The following ABCA13 variants were observed in gnomAD, a reference collection of about 807,000 sequenced individuals.
The protein encoded by ABCA13 is ATP binding cassette subfamily A member 13.
A neutral mutation model predicts 478.7 loss-of-function variants in ABCA13; 476 were observed. The ratio of observed to expected loss-of-function variants is 0.99; its 90% confidence interval spans 0.92 to 1.07. ABCA13 has a LOEUF of 1.07. Among genes scored for constraint, ABCA13 ranks in the 50% least tolerant of loss-of-function variants. The probability of loss-of-function intolerance (pLI) is 0.00; values close to 1 mark genes in which losing one functional copy is unlikely to be tolerated. For synonymous variants in ABCA13, 2,252 were observed against 2,158.9 expected (o/e 1.04, Z -1.20); for missense variants, 6,060 against 5,910.6 (o/e 1.03, Z -0.83).
At chr7:48,227,505 C>G in intron 6 of ABCA13, 80 bp downstream of exon 6, 1 of 1,477,742 alleles carries the variant, frequency 6.8e-7, no homozygotes, top group South Asian at 1.3e-5. Context: ...ATAAAAATTA[C>G]TAATTGTTGG....
chr7:48,338,452 T>TA lies in ABCA13; in HGVS notation c.10202dup (p.Tyr3401Ter), dbSNP rs1476189618. 6 of 1,587,412 alleles carry TA rather than the reference T, an allele frequency of 3.8e-6. No individual in the cohort carries two copies. In the East Asian group the frequency reaches 9.2e-5, roughly 24 times the overall value. The change falls in exon 29 of 62, where the codon TAC becomes TAAC. Residue 3401 changes from tyrosine (Y) to a stop codon, truncating the protein, a stop_gained and frameshift_variant. Transcript: ENST00000435803. LOFTEE classifies it high-confidence loss of function. ...VDKLTEKLQT[Y>*]GGLLDEMFNH... ...CAAACTTACTGAAAAACTCCAGACA[T>TA]ACGGTAAGTGTGCTGATGGGCATGG...
At chr7:48,643,160 G>A in intron 59 of ABCA13, 128 bp from the exon 60 acceptor site, 1 of 610,496 alleles carries the variant, frequency 1.6e-6, no homozygotes, top group Non-Finnish European at 2.9e-6. Flanking sequence ...CTTATATTGA[G>A]AATCCAAACT....
intron 27 of ABCA13, among the ~76,000 whole-genome samples, chr7:48,320,067 A>T (rs1429640874): frequency 6.6e-6 from 1 of 152,186 alleles, no homozygotes; most frequent in Non-Finnish European, 1.5e-5. Context: ...TGGAAAAAAA[A>T]TGATGGCCAA....
rs983041837 is a variant in ABCA13 at position 48,455,052 on chromosome 7, G to T, written c.12581G>T (p.Arg4194Leu). Residue 4194 changes from arginine (R) to leucine (L), a missense_variant, in exon 43 of 62, where the codon CGG becomes CTG. By Grantham distance (102) the Arg-to-Leu change is moderately radical. Transcript: ENST00000435803. ...HLSGYCGSLA[R>L]PATVQGVQLL... ...CGTCCTGCAGGTGGCTCCCTAGCAC[G>T]GCCCGCAACTGTGCAGGGCGTCCAG... 6.6e-7 allele frequency: 1 copy of T among 1,526,064 alleles called. No homozygotes were observed. Among genetic ancestry groups the T allele is most frequent in the Non-Finnish European group, 8.8e-7 (1 of 1,137,840 alleles). The allele number at this position is 1,526,064 out of a possible 1,614,324, so 94.5% of individuals were successfully genotyped here.
In ABCA13 at chr7:48,481,199, A is replaced by G. The variant is rs1051277021; in HGVS notation, c.13094+45A>G. 8.5e-6 allele frequency: 12 copies of G among 1,404,544 alleles called. 1 individual carries two copies. Among genetic ancestry groups the G allele is most frequent in the Admixed American group, 6.1e-5 (3 of 49,262 alleles). The allele number at this position is 1,404,544 out of a possible 1,614,324, so 87.0% of individuals were successfully genotyped here. On this transcript the variant is annotated intron_variant, in intron 46 of 61. Transcript: ENST00000435803. ...TGGGTCTTTACTTGTTTGGATTACTATGGAAAACTTATTGTTTTAAATGCT... is the reference window on the plus strand; with the variant it reads ...TGGGTCTTTACTTGTTTGGATTACTGTGGAAAACTTATTGTTTTAAATGCT...
At chr7:48,346,859 C>T (rs1055958175) in intron 29 of ABCA13, among the ~76,000 whole-genome samples, 7 of 152,212 alleles carry the variant, frequency 4.6e-5, no homozygotes, top group Non-Finnish European at 1.0e-4. Flanking sequence ...AGCTTTGAAG[C>T]ACCAGTGACC....
At chr7:48,381,308 G>C (rs943498123) in intron 35 of ABCA13, among the ~76,000 whole-genome samples, 67 of 152,020 alleles carry the variant, frequency 4.4e-4, no homozygotes, top group Non-Finnish European at 7.6e-4. Flanking sequence ...CCAGATGGGA[G>C]GTAGGAGGCA....
At chr7:48,417,695 C>G (rs948797203) in intron 41 of ABCA13, among the ~76,000 whole-genome samples, 2 of 152,128 alleles carry the variant, frequency 1.3e-5, no homozygotes, top group Admixed American at 1.3e-4. Context: ...ACATCACCAT[C>G]CAGCCCATTA....
intron 29 of ABCA13, among the ~76,000 whole-genome samples, chr7:48,348,281 G>C (rs1053757854): frequency 2.0e-5 from 3 of 152,174 alleles, no homozygotes; most frequent in Non-Finnish European, 4.4e-5. Context: ...CCAGTTGGGG[G>C]ACTCCGGGGA....
chr7:48,262,243 C>T (rs1794288344), intron 15 of ABCA13, among the ~76,000 whole-genome samples: 2 of 151,912 alleles, frequency 1.3e-5, no homozygotes, highest in Non-Finnish European at 2.9e-5. Context: ...GGTTTTATTT[C>T]TTCAGACTAG....
intron 7 of ABCA13, among the ~76,000 whole-genome samples, chr7:48,232,161 T>TTTTTTTTTTTTTTTTG (rs1789233414): frequency 7.3e-6 from 1 of 137,032 alleles, no homozygotes; most frequent in African/African-American, 2.6e-5. Flanking sequence ...TTTTTTTTTT[T>TTTTTTTTTTTTTTTTG]TTTAGCTTTC....
intron 48 of ABCA13, among the ~76,000 whole-genome samples, chr7:48,500,427 A>G (rs1830644491): frequency 1.3e-5 from 2 of 151,890 alleles, no homozygotes; most frequent in Non-Finnish European, 2.9e-5. Context: ...TTCTTTATTC[A>G]TTACTCTTAT....
Position 48,294,444 on chromosome 7 carries a change from TTTG to T in ABCA13, c.8956-1253_8956-1251del, listed in dbSNP as rs1170507927. On this transcript the variant is annotated intron_variant, in intron 20 of 61. Coordinates refer to ENST00000435803, the MANE Select transcript of ABCA13 (RefSeq NM_152701.5). ...CTATGGGTTTTTTTTTTTTTTTTGTTTTGTTTTTTTTTTGAGACGGAGTCTCGC... is the reference window on the plus strand; with the variant it reads ...CTATGGGTTTTTTTTTTTTTTTTGTTTTTTTTTTTTGAGACGGAGTCTCGC... 1.4e-3 allele frequency among the ~76,000 whole-genome samples: 202 copies of T among 146,568 alleles called. 2 individuals carry two copies. The highest frequency in any genetic ancestry group is 4.1e-3 in the East Asian group (21 of 5,084).
Position 48,367,316 on chromosome 7 carries a change from T to G in ABCA13, c.10689-478T>G, listed in dbSNP as rs147109627. 5.3e-4 allele frequency among the ~76,000 whole-genome samples: 80 copies of G among 152,316 alleles called. 2 individuals carry two copies. The East Asian group carries it at 0.013, about 25-fold the overall frequency. ...GATAAGAGTCATTTCAAGTGTATATTAGAAATGGAGCCCAGTTAGAGTGGG... is the reference window on the plus strand; with the variant it reads ...GATAAGAGTCATTTCAAGTGTATATGAGAAATGGAGCCCAGTTAGAGTGGG... On this transcript the variant is annotated intron_variant, in intron 31 of 61. Coordinates refer to ENST00000435803, the MANE Select transcript of ABCA13 (RefSeq NM_152701.5).
At chr7:48,312,286 C>T (rs971604465) in intron 24 of ABCA13, among the ~76,000 whole-genome samples, 1 of 152,194 alleles carries the variant, frequency 6.6e-6, no homozygotes, top group African/African-American at 2.4e-5. Context: ...CTGTGATTTT[C>T]CCTGCTCTGT....
chr7:48,187,089 T>C lies in ABCA13; in HGVS notation c.70-5870T>C, dbSNP rs1241742558. Among the ~76,000 whole-genome samples, 5 of 150,284 alleles carry C rather than the reference T, an allele frequency of 3.3e-5. No homozygotes were observed. The East Asian group carries it at 9.7e-4, about 29-fold the overall frequency. On this transcript the variant is annotated intron_variant, in intron 1 of 61. Coordinates refer to ENST00000435803, the MANE Select transcript of ABCA13 (RefSeq NM_152701.5). The stretch of plus-strand genomic sequence containing the variant: ...TGTCTCTCTATATATATCACAAATA[T>C]ATATACATATATATTTGTAAAATTT...
chr7:48,505,436 T>C (rs997596644), intron 48 of ABCA13, among the ~76,000 whole-genome samples: 3 of 152,110 alleles, frequency 2.0e-5, no homozygotes, highest in African/African-American at 4.8e-5. Flanking sequence ...ATAAGATGAA[T>C]TAAAATACAG....
intron 35 of ABCA13, among the ~76,000 whole-genome samples, chr7:48,378,269 G>A (rs1813812888): frequency 6.6e-6 from 1 of 152,122 alleles, no homozygotes; most frequent in Non-Finnish European, 1.5e-5. Flanking sequence ...TCACCAGTGG[G>A]ACAGTATTGA....
In ABCA13 at chr7:48,344,692, C is replaced by T. The variant is rs960329807; in HGVS notation, c.10205-5951C>T. ...CTATATATTGTGAGATGAAGCAACCCAATAAGAGCTGTGATTCTAGGACTC... is the reference window on the plus strand; with the variant it reads ...CTATATATTGTGAGATGAAGCAACCTAATAAGAGCTGTGATTCTAGGACTC... On this transcript the variant is annotated intron_variant, in intron 29 of 61. Transcript: ENST00000435803. Among the ~76,000 whole-genome samples the T allele has an allele frequency of 7.9e-5, 12 of 152,172 alleles. No homozygotes were observed. The South Asian group carries it at 2.5e-3, about 32-fold the overall frequency.
Sources: allele counts gnomAD v4.1 joint callset (sites outside exome capture counted in the v4.1 genomes callset), GRCh38; gene constraint gnomAD v4.1.1; transcripts MANE v1.5; gene names NCBI Gene and HGNC (gene_info 2026-07-23, HGNC 2026-07-21).